Variants in C2orf81 observed in about 807,000 individuals in gnomAD.
C2orf81 encodes chromosome 2 open reading frame 81.
In C2orf81, 5 loss-of-function variants were observed where a neutral mutation model predicts 7.9. The ratio of observed to expected loss-of-function variants is 0.63; its 90% CI spans 0.33 to 1.33. The LOEUF is 1.33. Ranked by LOEUF, C2orf81 falls within the 40% of genes most tolerant of loss-of-function variation. C2orf81 has a pLI of 0.05. For missense variants in C2orf81, 781 were observed against 830.4 expected (o/e 0.94, Z 0.73); for synonymous variants, 346 against 367.4 (o/e 0.94, Z 0.66).
intron 1 of C2orf81, chr2:74,416,465 G>A: frequency 3.0e-6 from 1 of 330,906 alleles, no homozygotes. Flanking sequence ...AAGTGGGGAG[G>A]CTGAGGAAGG....
chr2:74,418,735 T>C (rs1397892112), intron 1 of C2orf81, among the ~76,000 whole-genome samples: 1 of 152,004 alleles, frequency 6.6e-6, no homozygotes, highest in African/African-American at 2.4e-5. Flanking sequence ...TTATCTCCAT[T>C]TTATGGTAAT....
At chr2:74,417,910 T>G (rs1676510296) in intron 1 of C2orf81, among the ~76,000 whole-genome samples, 12 of 137,290 alleles carry the variant, frequency 8.7e-5, no homozygotes, top group Admixed American at 2.2e-4. Context: ...GAGGAGGGGG[T>G]AGGGATGGGA....
Position 74,414,690 on chromosome 2 carries a change from T to C in C2orf81, c.1487A>G (p.Lys496Arg). Residue 496 changes from lysine to arginine, a missense_variant, in exon 3 of 3, where the codon AAG becomes AGG. Transcript: ENST00000684111. This position sits in a 1 kb window ranked among gnomAD's most constrained non-coding sequence, Gnocchi z 5.3. ...LPDVARSRSP[K>R]LWPSVRWPSG... ...GGGCCACCTGACACTGGGCCACAGCTTGGGGCTGCGGCTGCGGGCCACATC... is the reference window on the plus strand; with the variant it reads ...GGGCCACCTGACACTGGGCCACAGCCTGGGGCTGCGGCTGCGGGCCACATC... 6.5e-7 allele frequency: 1 copy of C among 1,544,930 alleles called. No homozygotes were observed. The highest frequency in any genetic ancestry group is 8.8e-7 in the Non-Finnish European group (1 of 1,142,562).
intron 1 of C2orf81, chr2:74,418,191 C>T (rs1676516693): frequency 2.9e-6 from 4 of 1,399,890 alleles, no homozygotes; most frequent in Admixed American, 1.9e-5. Flanking sequence ...TGGGTCTTCC[C>T]CTTGGTTTCC....
chr2:74,417,952 C>T (rs865864985), intron 1 of C2orf81, among the ~76,000 whole-genome samples: 38 of 151,796 alleles, frequency 2.5e-4, no homozygotes, highest in African/African-American at 7.3e-4. Flanking sequence ...CTCCACTCAG[C>T]CCATAGGGAC....
Position 74,414,890 on chromosome 2 carries a change from G to C in C2orf81, c.1287C>G (p.Val429=). ...EPQALGPGTR[V]SPAAFFPLRP... ...GGAGAGGGAAGAACGCTGCCGGGGA[G>C]ACACGGGTGCCGGGGCCGAGGGCTT... The change falls in exon 3 of 3, where the codon GTC becomes GTG. Residue 429 remains valine, a synonymous_variant. Transcript: ENST00000684111. The surrounding 1 kb of genome is among the most constrained non-coding windows in gnomAD (Gnocchi z 5.3). The C allele has an allele frequency of 6.5e-7, 1 of 1,546,654 alleles. No individual in the cohort carries two copies. The highest frequency in any genetic ancestry group is 8.7e-7 in the Non-Finnish European group (1 of 1,143,698).
At position 74,415,280 on chromosome 2, in the gene C2orf81, C is replaced by G; in HGVS notation, c.897G>C (p.Ser299=). 6.4e-7 allele frequency: 1 copy of G among 1,551,438 alleles called. No individual in the cohort carries two copies. The highest frequency in any genetic ancestry group is 8.7e-7 in the Non-Finnish European group (1 of 1,146,908). ...GRGHPLGFHL[S]LEDLYCCMPQ... is the part of the protein sequence containing the mutation. Reference sequence around the variant, plus strand: ...GCATGCAACAGTAGAGGTCTTCCAACGACAAATGGAAGCCGAGGGGGTGTC... The same window carrying G: ...GCATGCAACAGTAGAGGTCTTCCAAGGACAAATGGAAGCCGAGGGGGTGTC... The change falls in exon 3 of 3, where the codon TCG becomes TCC. Residue 299 remains serine (S), a synonymous_variant. Coordinates refer to ENST00000684111, the MANE Select transcript of C2orf81 (RefSeq NM_001316764.3). This position sits in a 1 kb window ranked among gnomAD's most constrained non-coding sequence, Gnocchi z 5.5.
chr2:74,414,213 A>G lies in C2orf81; in HGVS notation c.*116T>C, dbSNP rs1189352921. The G allele has an allele frequency of 1.9e-6, 2 of 1,049,856 alleles. No homozygotes were observed. Among genetic ancestry groups the G allele is most frequent in the Non-Finnish European group, 2.6e-6 (2 of 783,166 alleles). 65.0% of individuals were successfully genotyped at this position (1,049,856 alleles called of 1,614,324 possible). A position where few individuals can be genotyped will look rare whatever the true frequency, so the allele number is the denominator to read the frequency against. ...GCAACTCAGGTGTTTATTTCTGGCT[A>G]GCAGAGGGAGGGACCAGTTACTACT... is the stretch of plus-strand genomic sequence containing the variant. On this transcript the variant is annotated 3_prime_UTR_variant, in exon 3 of 3. Transcript: ENST00000684111. The surrounding 1 kb of genome is among the most constrained non-coding windows in gnomAD (Gnocchi z 5.3).
intron 1 of C2orf81, among the ~76,000 whole-genome samples, chr2:74,419,737 A>G (rs900665302): frequency 4.6e-5 from 7 of 152,182 alleles, no homozygotes; most frequent in African/African-American, 1.7e-4. Context: ...ATATACTGAA[A>G]TATTATGCAA....
chr2:74,415,684 C>T lies in C2orf81; in HGVS notation c.493G>A (p.Asp165Asn). 1 of 1,551,472 alleles carries T rather than the reference C, an allele frequency of 6.4e-7. No homozygotes were observed. Among genetic ancestry groups the T allele is most frequent in the Non-Finnish European group, 8.7e-7 (1 of 1,146,994 alleles). ...AGAGCAGGAGCAATGGCAGAGGAGT[C>T]CGGAGAGGCTCCTGAGGAGTGTACT... Reference protein sequence around the residue: ...GEVHSSGASPDSSAIAPALPF... With the variant: ...GEVHSSGASPNSSAIAPALPF... The change falls in exon 3 of 3, where the codon GAC (aspartate) becomes AAC (asparagine). Residue 165 changes from aspartate to asparagine, a missense_variant. Asp to Asn is a conservative substitution (Grantham distance 23, BLOSUM62 1). Transcript: ENST00000684111. The surrounding 1 kb of genome is among the most constrained non-coding windows in gnomAD (Gnocchi z 5.5).
At position 74,414,345 on chromosome 2, in the gene C2orf81, G is replaced by T. The variant is rs1323447600; in HGVS notation, c.1832C>A (p.Ala611Asp). The T allele has an allele frequency of 2.0e-6, 3 of 1,486,260 alleles. No individual in the cohort carries two copies. The African/African-American group carries it at 4.2e-5, about 21-fold the overall frequency. 92.1% of individuals were successfully genotyped at this position (1,486,260 alleles called of 1,614,324 possible). A position where few individuals can be genotyped will look rare whatever the true frequency, so the allele number is the denominator to read the frequency against. ...PVEQHPIQTG[A>D]PKPR ...GTGCTACGGTCACCTGGGCTTTGGG[G>T]CACCTGTCTGGATGGGATGTTGCTC... The change falls in exon 3 of 3, where the codon GCC (alanine) becomes GAC (aspartate). Residue 611 changes from alanine (A) to aspartate (D), a missense_variant. Ala to Asp is a moderately radical substitution (Grantham distance 126). Transcript: ENST00000684111. The surrounding 1 kb of genome is among the most constrained non-coding windows in gnomAD (Gnocchi z 5.3).
At chr2:74,420,287 T>TAA (rs781112652) in intron 1 of C2orf81, among the ~76,000 whole-genome samples, 1 of 142,560 alleles carries the variant, frequency 7.0e-6, no homozygotes, top group Non-Finnish European at 1.5e-5. Flanking sequence ...TGTAATCACT[T>TAA]AAAAAAAAAA....
rs776791357 is a variant in C2orf81 at position 74,414,763 on chromosome 2, G to A, written c.1414C>T (p.Leu472Phe). 6.4e-6 allele frequency: 10 copies of A among 1,551,214 alleles called. No individual in the cohort carries two copies. The South Asian group carries it at 1.1e-4, about 17-fold the overall frequency. ...SSPSLESKLP[L>F]PNSRIRFLTT... ...AGGAAGCGGATCCTGGAGTTTGGGA[G>A]TGGCAGCTTTGACTCGAGGGATGGC... The change falls in exon 3 of 3, where the codon CTC (leucine) becomes TTC (phenylalanine). Residue 472 changes from leucine to phenylalanine, a missense_variant. By Grantham distance (22) the Leu-to-Phe change is conservative. Transcript: ENST00000684111. This position sits in a 1 kb window ranked among gnomAD's most constrained non-coding sequence, Gnocchi z 5.3.
At position 74,415,357 on chromosome 2, in the gene C2orf81, G is replaced by T; in HGVS notation, c.820C>A (p.Pro274Thr). 6.6e-7 allele frequency: 1 copy of T among 1,516,878 alleles called. No individual in the cohort carries two copies. Among genetic ancestry groups the T allele is most frequent in the African/African-American group, 1.4e-5 (1 of 72,046 alleles). The allele number at this position is 1,516,878 out of a possible 1,614,324, so 94.0% of individuals were successfully genotyped here. ...VEEAPADDADPSLDPYLVASP... is the reference protein window; with the variant it reads ...VEEAPADDADTSLDPYLVASP... ...GCTACCAGGTACGGATCCAGAGAAGGGTCGGCATCGTCGGCAGGCGCCTCC... is the reference window on the plus strand; with the variant it reads ...GCTACCAGGTACGGATCCAGAGAAGTGTCGGCATCGTCGGCAGGCGCCTCC... Residue 274 changes from proline (P) to threonine (T), a missense_variant, in exon 3 of 3, where the codon CCT becomes ACT. Transcript: ENST00000684111. This position sits in a 1 kb window ranked among gnomAD's most constrained non-coding sequence, Gnocchi z 5.5.
Position 74,421,592 on chromosome 2 carries a change from C to T in C2orf81, c.-32G>A, listed in dbSNP as rs901001650. On this transcript the variant is annotated 5_prime_UTR_variant, in exon 1 of 3. Coordinates refer to ENST00000684111, the MANE Select transcript of C2orf81 (RefSeq NM_001316764.3). ...CGCGGTCGCAGCAACGCTGGTGTTTCTGCTGCATCCGGGCCGCGTAAGCCA... is the reference window on the plus strand; with the variant it reads ...CGCGGTCGCAGCAACGCTGGTGTTTTTGCTGCATCCGGGCCGCGTAAGCCA... The T allele has an allele frequency of 7.0e-6, 3 of 428,538 alleles. No individual in the cohort carries two copies. The highest frequency in any genetic ancestry group is 4.1e-5 in the African/African-American group (2 of 48,676). The allele number at this position is 428,538 out of a possible 1,614,324, so 26.5% of individuals were successfully genotyped here.
rs745827470 is a variant in C2orf81 at position 74,420,772 on chromosome 2, CTTTTTTTTTTTTTTT to C, written c.18+756_18+770del. Among the ~76,000 whole-genome samples, 362 of 72,740 alleles carry C rather than the reference CTTTTTTTTTTTTTTT, an allele frequency of 5.0e-3. 5 individuals are homozygous for C. The highest frequency in any genetic ancestry group is 0.019 in the African/African-American group (342 of 17,548). The allele number at this position is 72,740 out of a possible 152,430, so 47.7% of individuals were successfully genotyped here. On this transcript the variant is annotated intron_variant, in intron 1 of 2. Coordinates refer to ENST00000684111, the MANE Select transcript of C2orf81 (RefSeq NM_001316764.3). ...CAAATCCGTTTTCTTTCTTCTTCTTCTTTTTTTTTTTTTTTTTTTTTTTTTTTTGAGACAGTCTCT... is the reference window on the plus strand; with the variant it reads ...CAAATCCGTTTTCTTTCTTCTTCTTCTTTTTTTTTTTTTGAGACAGTCTCT...
chr2:74,419,521 A>AC (rs1009087197), intron 1 of C2orf81, among the ~76,000 whole-genome samples: 7 of 152,242 alleles, frequency 4.6e-5, no homozygotes, highest in African/African-American at 1.4e-4. Flanking sequence ...TTAGTGTGAT[A>AC]CCATGCTGCA....
intron 1 of C2orf81, chr2:74,417,671 G>T: frequency 3.0e-6 from 2 of 676,072 alleles, no homozygotes; most frequent in Non-Finnish European, 2.2e-6. Context: ...GGAGTGGGGT[G>T]TGCCAGAATG....
chr2:74,418,490 G>A (rs769365132), intron 1 of C2orf81: 2 of 1,188,202 alleles, frequency 1.7e-6, no homozygotes, highest in East Asian at 2.5e-5. Flanking sequence ...TGGGATGGGC[G>A]AACTCGGCCG....
Sources: allele counts gnomAD v4.1 joint callset (sites outside exome capture counted in the v4.1 genomes callset), GRCh38; gene constraint gnomAD v4.1.1; non-coding constraint Gnocchi (gnomAD v3.1); transcripts MANE v1.5; gene names NCBI Gene and HGNC (gene_info 2026-07-23, HGNC 2026-07-21).